Variants in OCLN observed in about 807,000 individuals in gnomAD.
OCLN encodes phosphatase 1, regulatory subunit 115.
OCLN carries 21 observed loss-of-function variants against 47.9 expected under a neutral mutation model. The observed-to-expected ratio is 0.44, with a 90% confidence interval of 0.31 to 0.63. The LOEUF (loss-of-function observed/expected upper bound fraction) is 0.63, where lower values mean the gene tolerates loss of function less well. Ranked by LOEUF, OCLN falls within the 30% of genes least tolerant of loss-of-function variation. The pLI, the probability that OCLN is intolerant of heterozygous loss-of-function variation, is 0.08. For missense variants in OCLN, 360 were observed against 571.0 expected (o/e 0.63, Z 3.77); for synonymous variants, 117 against 198.4 (o/e 0.59, Z 3.45).
Position 69,527,149 on chromosome 5 carries a change from C to T in OCLN, c.892-7545C>T, listed in dbSNP as rs1036215441. Among the ~76,000 whole-genome samples, 7 of 152,112 alleles carry T rather than the reference C, an allele frequency of 4.6e-5. No homozygotes were observed. In the South Asian group the frequency reaches 8.3e-4, roughly 18 times the overall value. On this transcript the variant is annotated intron_variant, in intron 4 of 8. Transcript: ENST00000396442. ...AAAATTAGCTGGGTGTGGTGGTGGG[C>T]GCCTGCAATCCCAGCTACTCAGGAG...
At chr5:69,526,409 A>G (rs1360258046) in intron 4 of OCLN, among the ~76,000 whole-genome samples, 1 of 152,162 alleles carries the variant, frequency 6.6e-6, no homozygotes, top group Non-Finnish European at 1.5e-5. Context: ...GACCAAAGAC[A>G]TCCTGGCACA....
intron 4 of OCLN, among the ~76,000 whole-genome samples, chr5:69,526,624 T>C (rs574966493): frequency 1.4e-4 from 22 of 152,246 alleles, no homozygotes; most frequent in African/African-American, 4.8e-4. Flanking sequence ...AACCTAAAGA[T>C]TGACACAATT....
chr5:69,504,148 A>G, intron 1 of OCLN, 29 bp from the exon 2 acceptor site: 1 of 835,408 alleles, frequency 1.2e-6, no homozygotes, highest in Admixed American at 1.8e-5. Context: ...GCTTAGTAGT[A>G]ATGCCATAAC....
chr5:69,521,356 C>T (rs1383928126), intron 4 of OCLN, among the ~76,000 whole-genome samples: 1 of 152,088 alleles, frequency 6.6e-6, no homozygotes, highest in Non-Finnish European at 1.5e-5. Flanking sequence ...TAATTGTGTT[C>T]AGTTGTTTAC....
chr5:69,553,486 TCC>T lies in OCLN; in HGVS notation c.1468-83_1468-82del, dbSNP rs1220539318. The T allele has an allele frequency of 4.9e-6, 7 of 1,419,456 alleles. No homozygotes were observed. The East Asian group carries it at 1.6e-4, about 33-fold the overall frequency. The allele number at this position is 1,419,456 out of a possible 1,614,324, so 87.9% of individuals were successfully genotyped here. On this transcript the variant is annotated intron_variant, in intron 8 of 8. Coordinates refer to ENST00000396442, the MANE Select transcript of OCLN (RefSeq NM_001205254.2). ...CCCAGCAATTCTCTTGACTAAATAT[TCC>T]ATTTCTGTGTTCAATTCTGCCTTCC...
At chr5:69,504,091 C>A in intron 1 of OCLN, 86 bp from the exon 2 acceptor site, 2 of 678,270 alleles carry the variant, frequency 2.9e-6, no homozygotes, top group Non-Finnish European at 5.5e-6. Flanking sequence ...CAGGGTGAGA[C>A]CCTGTCTCGG....
In OCLN at chr5:69,550,336, C is replaced by CA. The variant is rs946995622; in HGVS notation, c.1426-1207dup. Among the ~76,000 whole-genome samples, 171 of 139,256 alleles carry CA rather than the reference C, an allele frequency of 1.2e-3. 1 individual carries two copies. Among genetic ancestry groups the CA allele is most frequent in the Non-Finnish European group, 5.4e-4 (34 of 63,144 alleles). The allele number at this position is 139,256 out of a possible 152,430, so 91.4% of individuals were successfully genotyped here. ...CCTCCCGAGTAGCTGGGATTACAGG[C>CA]ATGTGGCACCACACCTGACTAATTT... On this transcript the variant is annotated intron_variant, in intron 7 of 8. Coordinates refer to ENST00000396442, the MANE Select transcript of OCLN (RefSeq NM_001205254.2).
At chr5:69,513,899 A>G (rs540881112) in intron 3 of OCLN, 49 bp from the exon 4 acceptor site, 12 of 1,471,906 alleles carry the variant, frequency 8.2e-6, no homozygotes, top group Non-Finnish European at 1.1e-5. Context: ...GTGAATTGTG[A>G]TTAAGCAATT....
At chr5:69,517,742 C>T (rs1301459917) in intron 4 of OCLN, among the ~76,000 whole-genome samples, 2 of 152,130 alleles carry the variant, frequency 1.3e-5, no homozygotes, top group Non-Finnish European at 2.9e-5. Context: ...TATGTATTCA[C>T]CACTGAGACG....
At chr5:69,515,447 G>A (rs1367169201) in intron 4 of OCLN, among the ~76,000 whole-genome samples, 3 of 134,002 alleles carry the variant, frequency 2.2e-5, no homozygotes, top group African/African-American at 8.4e-5. Context: ...GCGGCTGGCC[G>A]GGCAGAGGGG....
intron 4 of OCLN, among the ~76,000 whole-genome samples, chr5:69,515,865 C>T (rs1175937831): frequency 2.0e-5 from 3 of 149,528 alleles, no homozygotes; most frequent in East Asian, 2.0e-4. Context: ...GACGGGGTGG[C>T]GGGGCAGAGG....
Position 69,529,666 on chromosome 5 carries a change from C to T in OCLN, c.892-5028C>T, listed in dbSNP as rs559632439. On this transcript the variant is annotated intron_variant, in intron 4 of 8. Transcript: ENST00000396442. ...TCACCCAGGCTGGAGTACAGTGGTG[C>T]AATCTCGGCACACTGCAACCTCCAT... 6.4e-4 allele frequency among the ~76,000 whole-genome samples: 97 copies of T among 152,058 alleles called. 1 individual carries two copies. The highest frequency in any genetic ancestry group is 2.0e-3 in the African/African-American group (83 of 41,458).
chr5:69,509,997 T>G (rs1768734668), intron 3 of OCLN, among the ~76,000 whole-genome samples, 178 bp downstream of exon 3: 1 of 152,240 alleles, frequency 6.6e-6, no homozygotes, highest in Non-Finnish European at 1.5e-5. Flanking sequence ...CCATGTAATT[T>G]GATTACTTAA....
At chr5:69,530,117 T>C (rs1442889338) in intron 4 of OCLN, among the ~76,000 whole-genome samples, 2 of 152,114 alleles carry the variant, frequency 1.3e-5, no homozygotes, top group Middle Eastern at 3.2e-3. Flanking sequence ...GGTAGGAGGA[T>C]TGCATGAGTC....
In OCLN at chr5:69,555,616, T is replaced by C. The variant is rs1349826285; in HGVS notation, c.*1945T>C. 6.6e-6 allele frequency: 1 copy of C among 152,104 alleles called. No individual in the cohort carries two copies. The highest frequency in any genetic ancestry group is 1.5e-5 in the Non-Finnish European group (1 of 68,030). The allele number at this position is 152,104 out of a possible 1,614,324, so 9.4% of individuals were successfully genotyped here. A position where few individuals can be genotyped will look rare whatever the true frequency, so the allele number is the denominator to read the frequency against. On this transcript the variant is annotated 3_prime_UTR_variant, in exon 9 of 9. Transcript: ENST00000396442. ...TGAATTATTTTCCAGAGATAAAATT[T>C]TAAATGTTTCCATTATATCACTGAT... is the stretch of plus-strand genomic sequence containing the variant.
intron 3 of OCLN, among the ~76,000 whole-genome samples, chr5:69,511,318 C>T (rs1157451703): frequency 6.6e-6 from 1 of 151,378 alleles, no homozygotes; most frequent in South Asian, 2.1e-4. Context: ...CTTCTGACCT[C>T]GTGATCCGCC....
At chr5:69,498,700 G>C (rs1768372118) in intron 1 of OCLN, among the ~76,000 whole-genome samples, 1 of 151,628 alleles carries the variant, frequency 6.6e-6, no homozygotes, top group Admixed American at 6.6e-5. Flanking sequence ...GTTTTTTTGA[G>C]ACAGAATCTC....
In OCLN at chr5:69,509,323, C is replaced by T. The variant is rs201378122; in HGVS notation, c.233C>T (p.Ala78Val). The T allele has an allele frequency of 5.9e-5, 95 of 1,614,032 alleles. No homozygotes were observed. Among genetic ancestry groups the T allele is most frequent in the Middle Eastern group, 1.6e-4 (1 of 6,084 alleles). Reference sequence around the variant, plus strand: ...ATGCTCATTATTGTGATGTGCATTGCCATCTTTGCCTGTGTGGCCTCCACG... The same window carrying T: ...ATGCTCATTATTGTGATGTGCATTGTCATCTTTGCCTGTGTGGCCTCCACG... ...LSMLIIVMCIAIFACVASTLA... is the reference protein window; with the variant it reads ...LSMLIIVMCIVIFACVASTLA... The change falls in exon 3 of 9, where the codon GCC (alanine) becomes GTC (valine). Residue 78 changes from alanine (A) to valine (V), a missense_variant. Around this residue, in one of 3 missense-constraint regions of OCLN, gnomAD observed 314 missense variants for 368.1 expected, o/e 0.85. Transcript: ENST00000396442.
intron 1 of OCLN, among the ~76,000 whole-genome samples, chr5:69,500,359 A>G (rs73116900): frequency 0.011 from 1,681 of 152,040 alleles, 34 homozygotes; most frequent in African/African-American, 0.038. Context: ...AGAAAAGGAA[A>G]TGAAGTTGGT....
Sources: allele counts gnomAD v4.1 joint callset (sites outside exome capture counted in the v4.1 genomes callset), GRCh38; gene constraint gnomAD v4.1.1; regional missense constraint gnomAD v4.1.1; transcripts MANE v1.5; gene names NCBI Gene and HGNC (gene_info 2026-07-23, HGNC 2026-07-21).